Variants in CDC42BPA observed in about 807,000 individuals in gnomAD.
The protein encoded by CDC42BPA is serine/threonine-protein kinase MRCK alpha.
CDC42BPA carries 80 observed loss-of-function variants against 223.5 expected under a neutral mutation model. The ratio of observed to expected loss-of-function variants is 0.36; its 90% confidence interval spans 0.30 to 0.43. The LOEUF (loss-of-function observed/expected upper bound fraction) is 0.43, where lower values mean the gene tolerates loss of function less well. Ranked by LOEUF, CDC42BPA falls within the 20% of genes least tolerant of loss-of-function variation. The pLI is 1.00. For synonymous variants in CDC42BPA, 694 were observed against 718.6 expected (o/e 0.97, Z 0.55); for missense variants, 1,743 against 2,099.9 (o/e 0.83, Z 3.32).
intron 35 of CDC42BPA, chr1:227,004,706 T>C (rs1283951747): frequency 2.2e-6 from 1 of 451,748 alleles, no homozygotes; most frequent in Non-Finnish European, 4.1e-6. Flanking sequence ...TGTTATTCTC[T>C]ATTAATGTAT....
intron 8 of CDC42BPA, among the ~76,000 whole-genome samples, chr1:227,145,115 T>C (rs1660481822): frequency 6.6e-6 from 1 of 152,146 alleles, no homozygotes; most frequent in Non-Finnish European, 1.5e-5. Context: ...GGCCCTGACA[T>C]GGTTGATTTT....
At chr1:227,265,367 A>C (rs1157456217) in intron 1 of CDC42BPA, among the ~76,000 whole-genome samples, 1 of 152,148 alleles carries the variant, frequency 6.6e-6, no homozygotes, top group Non-Finnish European at 1.5e-5. Context: ...TTAATAAAAC[A>C]ATTTATGAAA....
intron 2 of CDC42BPA, among the ~76,000 whole-genome samples, chr1:227,252,178 C>A (rs956359197): frequency 6.6e-6 from 1 of 151,492 alleles, no homozygotes; most frequent in Non-Finnish European, 1.5e-5. Context: ...AATTAAAGAA[C>A]CAGAAAACAA....
chr1:227,078,105 T>C (rs996722591), intron 17 of CDC42BPA, among the ~76,000 whole-genome samples: 2 of 152,202 alleles, frequency 1.3e-5, no homozygotes, highest in Admixed American at 1.3e-4. Flanking sequence ...ACTTTATTAC[T>C]CTTATTTCCT....
At chr1:226,997,195 G>A (rs1327606424) in intron 35 of CDC42BPA, among the ~76,000 whole-genome samples, 1 of 152,196 alleles carries the variant, frequency 6.6e-6, no homozygotes, top group Non-Finnish European at 1.5e-5. Context: ...GAAGGTGTAT[G>A]TGTCCAGGAA....
chr1:227,015,790 C>T (rs1199839013), intron 34 of CDC42BPA, among the ~76,000 whole-genome samples: 5 of 152,074 alleles, frequency 3.3e-5, no homozygotes, highest in African/African-American at 9.7e-5. Flanking sequence ...AGAACCTCTC[C>T]GAATTTGGTA....
chr1:227,185,328 C>G (rs560319455), intron 5 of CDC42BPA, among the ~76,000 whole-genome samples: 60 of 152,228 alleles, frequency 3.9e-4, no homozygotes, highest in African/African-American at 1.4e-3. Context: ...CTTTGATATG[C>G]AAATGTTAGC....
intron 21 of CDC42BPA, among the ~76,000 whole-genome samples, chr1:227,066,907 T>C (rs751007965): frequency 2.0e-5 from 3 of 152,156 alleles, no homozygotes; most frequent in Admixed American, 1.3e-4. Context: ...ACCATACACC[T>C]AGAAAGTTGT....
intron 20 of CDC42BPA, among the ~76,000 whole-genome samples, chr1:227,071,667 C>A (rs1260879522): frequency 6.7e-6 from 1 of 150,312 alleles, no homozygotes; most frequent in Non-Finnish European, 1.5e-5. Context: ...AATTAATCTT[C>A]AGCTATTTCA....
intron 15 of CDC42BPA, among the ~76,000 whole-genome samples, chr1:227,094,414 A>C (rs1386222001): frequency 6.6e-6 from 1 of 152,202 alleles, no homozygotes; most frequent in Non-Finnish European, 1.5e-5. Flanking sequence ...GCCAGTCACT[A>C]ATCAATGTTA....
chr1:227,282,188 CAAAAAA>C (rs10715170), intron 1 of CDC42BPA, among the ~76,000 whole-genome samples: 1 of 105,696 alleles, frequency 9.5e-6, no homozygotes, highest in African/African-American at 3.7e-5. Context: ...AACTCCGTCT[CAAAAAA>C]AAAAAAAAAA....
intron 6 of CDC42BPA, among the ~76,000 whole-genome samples, chr1:227,152,413 CGTTGA>C (rs927747965): frequency 1.3e-4 from 19 of 151,948 alleles, no homozygotes; most frequent in African/African-American, 3.4e-4. Flanking sequence ...GAGTGTTACA[CGTTGA>C]GTTAATTACA....
At chr1:227,067,221 G>A (rs1677265580) in intron 21 of CDC42BPA, among the ~76,000 whole-genome samples, 1 of 152,168 alleles carries the variant, frequency 6.6e-6, no homozygotes, top group Non-Finnish European at 1.5e-5. Context: ...CATTACAGGT[G>A]GGTGGCAGCA....
At chr1:227,092,717 TTCA>T (rs1261286175) in intron 15 of CDC42BPA, among the ~76,000 whole-genome samples, 2 of 152,184 alleles carry the variant, frequency 1.3e-5, no homozygotes, top group East Asian at 3.8e-4. Context: ...TCGAAATAAT[TTCA>T]TTATTATTAG....
chr1:227,025,542 CTT>C (rs1668104511), intron 31 of CDC42BPA, among the ~76,000 whole-genome samples: 3 of 152,006 alleles, frequency 2.0e-5, no homozygotes, highest in Non-Finnish European at 4.4e-5. Flanking sequence ...TAAAAATTCT[CTT>C]TGTTATGGAA....
chr1:227,212,828 G>C (rs1674167336), intron 3 of CDC42BPA, among the ~76,000 whole-genome samples: 1 of 152,166 alleles, frequency 6.6e-6, no homozygotes, highest in Admixed American at 6.6e-5. Flanking sequence ...CGTCACGTTA[G>C]AAATCAACCA....
chr1:227,053,891 A>C (rs1467533068), intron 21 of CDC42BPA, among the ~76,000 whole-genome samples: 2 of 152,156 alleles, frequency 1.3e-5, no homozygotes, highest in Admixed American at 6.6e-5. Context: ...TAGTTTCTAA[A>C]AATCTCCTCC....
At chr1:227,182,734 CAG>C (rs1323824627) in intron 5 of CDC42BPA, 5 of 152,146 alleles carry the variant, frequency 3.3e-5, no homozygotes, top group African/African-American at 1.2e-4. Flanking sequence ...GTGTTTGTGA[CAG>C]TGTTACCAGA....
chr1:227,044,997 G>C (rs928321891), intron 23 of CDC42BPA, among the ~76,000 whole-genome samples: 13 of 152,096 alleles, frequency 8.5e-5, no homozygotes, highest in Admixed American at 7.9e-4. Context: ...AAGCCTTTCA[G>C]CCCCCTTACC....
Sources: gnomAD v4.1 joint callset for allele counts (sites outside exome capture counted in the v4.1 genomes callset) on GRCh38, gnomAD v4.1.1 for gene constraint, MANE v1.5 for transcripts, NCBI Gene and HGNC (gene_info 2026-07-23, HGNC 2026-07-21) for gene names.